The following RBFOX1 variants were observed in gnomAD, a reference collection of about 807,000 sequenced individuals.
RBFOX1 encodes the protein RNA binding fox-1 homolog 1.
Under a neutral mutation model 57.7 loss-of-function variants are expected in RBFOX1, and 8 were observed. The observed-to-expected ratio is 0.14, with a 90% CI of 0.08 to 0.25. RBFOX1 has a LOEUF of 0.25. Ranked by LOEUF, RBFOX1 falls within the 10% of genes least tolerant of loss-of-function variation. The pLI, the probability that RBFOX1 is intolerant of heterozygous loss-of-function variation, is 1.00. For synonymous variants in RBFOX1, 326 were observed against 222.4 expected (o/e 1.47, Z -4.15); for missense variants, 611 against 548.5 (o/e 1.11, Z -1.14).
intron 1 of RBFOX1, among the ~76,000 whole-genome samples, chr16:6,063,704 T>A (rs1164748996): frequency 6.6e-6 from 1 of 152,186 alleles, no homozygotes; most frequent in Non-Finnish European, 1.5e-5. Flanking sequence ...AGTGGGGTCC[T>A]GTCACCAGGG....
At chr16:6,974,853 C>T (rs553993721) in intron 3 of RBFOX1, among the ~76,000 whole-genome samples, 1 of 152,224 alleles carries the variant, frequency 6.6e-6, no homozygotes, top group South Asian at 2.1e-4. Context: ...TACTCGCATT[C>T]AGTGCTCCCT....
intron 3 of RBFOX1, among the ~76,000 whole-genome samples, chr16:5,623,016 C>T (rs144334515): frequency 2.0e-4 from 31 of 152,168 alleles, no homozygotes; most frequent in Non-Finnish European, 3.5e-4. Context: ...AATACTATGC[C>T]GCTTTGTATG....
chr16:7,633,242 C>G (rs8047911), intron 11 of RBFOX1, among the ~76,000 whole-genome samples: 32,711 of 151,978 alleles, frequency 0.22, 4,077 homozygotes, highest in African/African-American at 0.35. Flanking sequence ...TTTAAAGGGT[C>G]GATTTTAGTA....
chr16:5,639,079 T>A (rs1033755145), intron 3 of RBFOX1, among the ~76,000 whole-genome samples: 5 of 152,234 alleles, frequency 3.3e-5, no homozygotes, highest in Non-Finnish European at 7.4e-5. Context: ...ATTTTCTTAA[T>A]CTGTGAGATT....
rs571590035 is a variant in RBFOX1, at chr16:5,241,028, T to C, written c.219+923T>C. ...TCCAAATGTTTTTATGTTTGACCATTTGCTCAGCTGAGCTTGTCTTAATAA... is the reference window on the plus strand; with the variant it reads ...TCCAAATGTTTTTATGTTTGACCATCTGCTCAGCTGAGCTTGTCTTAATAA... On this transcript the variant is annotated intron_variant, in intron 1 of 2. Transcript: ENST00000585867. Among the ~76,000 whole-genome samples, 3 of 152,352 alleles carry C rather than the reference T, an allele frequency of 2.0e-5. No homozygotes were observed. In the East Asian group the frequency reaches 5.8e-4, roughly 29 times the overall value.
chr16:6,351,208 G>T (rs907105581), intron 2 of RBFOX1, among the ~76,000 whole-genome samples: 4 of 151,342 alleles, frequency 2.6e-5, no homozygotes, highest in African/African-American at 4.9e-5. Context: ...CATGTGTGCG[G>T]ATAGTAAATA....
rs554418610 is a variant in RBFOX1 at position 6,936,945 on chromosome 16, G to T, written c.-15-115112G>T. ...TGTGATCTCATTGGGACTGTTGTGG[G>T]GTGGGGGGAGGGGGGAGGGATAGCA... On this transcript the variant is annotated intron_variant, in intron 3 of 15. Transcript: ENST00000550418. 1.1e-4 allele frequency among the ~76,000 whole-genome samples: 12 copies of T among 114,160 alleles called. No homozygotes were observed. The East Asian group carries it at 3.2e-3, about 31-fold the overall frequency. The allele number at this position is 114,160 out of a possible 152,430, so 74.9% of individuals were successfully genotyped here.
At chr16:6,674,568 C>T (rs902219828) in intron 3 of RBFOX1, among the ~76,000 whole-genome samples, 20 of 152,106 alleles carry the variant, frequency 1.3e-4, no homozygotes, top group Admixed American at 7.2e-4. Flanking sequence ...GTGATCCACC[C>T]ACCTCAGCCT....
intron 3 of RBFOX1, among the ~76,000 whole-genome samples, chr16:6,788,453 TTTA>T (rs1346689211): frequency 2.0e-5 from 3 of 151,640 alleles, no homozygotes; most frequent in Non-Finnish European, 1.5e-5. Flanking sequence ...TGATTTTTTT[TTTA>T]TTATTATTTA....
chr16:7,660,560 C>T (rs1359968550), intron 12 of RBFOX1, among the ~76,000 whole-genome samples: 2 of 152,284 alleles, frequency 1.3e-5, no homozygotes, highest in South Asian at 4.1e-4. Flanking sequence ...GAGAACTTTC[C>T]CGTAACCAGC....
intron 9 of RBFOX1, among the ~76,000 whole-genome samples, chr16:7,603,107 G>A (rs1026774898): frequency 4.6e-5 from 7 of 152,092 alleles, no homozygotes; most frequent in Admixed American, 1.3e-4. Flanking sequence ...AGTAATAAAC[G>A]CCTACATCAA....
At chr16:6,969,973 G>A (rs1160565778) in intron 3 of RBFOX1, among the ~76,000 whole-genome samples, 1 of 152,006 alleles carries the variant, frequency 6.6e-6, no homozygotes, top group East Asian at 1.9e-4. Flanking sequence ...GTTATTTTAT[G>A]TAATATAAAG....
chr16:5,806,257 C>T (rs1232975947), intron 3 of RBFOX1, among the ~76,000 whole-genome samples: 1 of 152,132 alleles, frequency 6.6e-6, no homozygotes, highest in Admixed American at 6.5e-5. Context: ...TTAAGAATGA[C>T]AATTTATTTT....
chr16:7,384,872 C>G (rs1042416223), intron 4 of RBFOX1, among the ~76,000 whole-genome samples: 4 of 152,172 alleles, frequency 2.6e-5, no homozygotes, highest in African/African-American at 7.2e-5. Flanking sequence ...CAATAAATAA[C>G]TGTGTAAATT....
chr16:6,361,205 G>GT lies in RBFOX1; in HGVS notation c.-64+44149dup, dbSNP rs199801690. Among the ~76,000 whole-genome samples the GT allele has an allele frequency of 4.5e-3, 687 of 152,264 alleles. 10 individuals are homozygous for GT. The highest frequency in any genetic ancestry group is 0.015 in the African/African-American group (644 of 41,558). Reference sequence around the variant, plus strand: ...ACAGGCTCAAAAGGAATGGGACCCAGTGTCGAGGAGAAGAAAGGCACAGAG... The same window carrying GT: ...ACAGGCTCAAAAGGAATGGGACCCAGTTGTCGAGGAGAAGAAAGGCACAGAG... On this transcript the variant is annotated intron_variant, in intron 2 of 15. Transcript: ENST00000550418.
At chr16:6,680,553 G>A (rs113228808) in intron 3 of RBFOX1, among the ~76,000 whole-genome samples, 87 of 152,188 alleles carry the variant, frequency 5.7e-4, no homozygotes, top group African/African-American at 2.0e-3. Flanking sequence ...GTAAGCCACC[G>A]CGTCCGGCCC....
intron 4 of RBFOX1, among the ~76,000 whole-genome samples, chr16:7,308,768 C>T (rs974060875): frequency 2.6e-5 from 4 of 152,176 alleles, no homozygotes; most frequent in Non-Finnish European, 4.4e-5. Flanking sequence ...GGCTCTCGCG[C>T]GAAGGCTGCA....
At chr16:6,892,396 A>G (rs1355688977) in intron 3 of RBFOX1, among the ~76,000 whole-genome samples, 10 of 152,222 alleles carry the variant, frequency 6.6e-5, no homozygotes, top group South Asian at 2.1e-4. Context: ...GAGACCAGGC[A>G]TGGTGGCTCA....
At chr16:7,705,707 G>A (rs144000375) in intron 14 of RBFOX1, among the ~76,000 whole-genome samples, 1 of 152,266 alleles carries the variant, frequency 6.6e-6, no homozygotes, top group African/African-American at 2.4e-5. Context: ...AGACTTGAGA[G>A]ATTTGATACA....
Sources: allele counts gnomAD v4.1 joint callset (sites outside exome capture counted in the v4.1 genomes callset), GRCh38; gene constraint gnomAD v4.1.1; transcripts MANE v1.5; gene names NCBI Gene and HGNC (gene_info 2026-07-23, HGNC 2026-07-21).